The following UVSSA variants were observed in gnomAD, a reference collection of about 807,000 sequenced individuals.
UVSSA encodes UV-stimulated scaffold protein A.
Under a neutral mutation model 73.9 loss-of-function variants are expected in UVSSA, and 72 were observed. The ratio of observed to expected loss-of-function variants is 0.97; its 90% confidence interval spans 0.81 to 1.19. The LOEUF (loss-of-function observed/expected upper bound fraction) is 1.19. Ranked by LOEUF, UVSSA falls within the 50% of genes most tolerant of loss-of-function variation. The pLI is 0.00. For missense variants in UVSSA, 1,150 were observed against 965.0 expected (o/e 1.19, Z -2.54); for synonymous variants, 454 against 391.3 (o/e 1.16, Z -1.89).
downstream of UVSSA, chr4:1,391,489 GTATTTC>G (rs780987227): frequency 1.3e-5 from 2 of 152,134 alleles, no homozygotes; most frequent in Non-Finnish European, 2.9e-5. Context: ...AAGTGCATCT[GTATTTC>G]TATTTCTTTC....
At chr4:1,377,322 C>T (rs920441586) in intron 10 of UVSSA, among the ~76,000 whole-genome samples, 4 of 152,156 alleles carry the variant, frequency 2.6e-5, no homozygotes, top group South Asian at 2.1e-4. Context: ...ACACGACACA[C>T]GAGAGCAGGA....
At chr4:1,353,913 G>A (rs1715214442) in intron 5 of UVSSA, among the ~76,000 whole-genome samples, 1 of 152,204 alleles carries the variant, frequency 6.6e-6, no homozygotes, top group Non-Finnish European at 1.5e-5. Context: ...TGCAGCCTGG[G>A]TGGGTGAGGA....
intron 12 of UVSSA, among the ~76,000 whole-genome samples, chr4:1,382,338 T>A (rs964765979): frequency 1.3e-5 from 2 of 152,232 alleles, no homozygotes; most frequent in Non-Finnish European, 2.9e-5. Context: ...CGGCCAGCGC[T>A]GGCCAGTCAG....
chr4:1,385,709 G>T, intron 13 of UVSSA, 159 bp from the exon 14 acceptor site: 1 of 705,412 alleles, frequency 1.4e-6, no homozygotes, highest in Non-Finnish European at 2.4e-6. Flanking sequence ...GGGGCCCGTC[G>T]CCCATCTGTC....
chr4:1,354,660 C>T (rs1715377881), intron 5 of UVSSA, 75 bp from the exon 6 acceptor site: 1 of 1,378,868 alleles, frequency 7.3e-7, no homozygotes, highest in African/African-American at 1.4e-5. Context: ...GCCTTCCTTG[C>T]ATGGTCTGCC....
intron 6 of UVSSA, 55 bp from the exon 7 acceptor site, chr4:1,355,062 G>C: frequency 3.1e-6 from 5 of 1,598,072 alleles, no homozygotes; most frequent in Non-Finnish European, 3.4e-6. Context: ...CAGCAGGACA[G>C]CTTCCCAGGT....
intron 7 of UVSSA, among the ~76,000 whole-genome samples, chr4:1,356,092 C>T (rs1333879160): frequency 6.6e-6 from 1 of 152,196 alleles, no homozygotes; most frequent in Non-Finnish European, 1.5e-5. Flanking sequence ...AGGCACCTCT[C>T]CCTTCAGGAA....
chr4:1,365,627 G>A (rs1305447095), intron 7 of UVSSA, among the ~76,000 whole-genome samples: 4 of 152,222 alleles, frequency 2.6e-5, no homozygotes, highest in Admixed American at 6.5e-5. Flanking sequence ...AGGAAATGGA[G>A]GTGGTTTTCA....
chr4:1,359,723 T>C (rs1187102234), intron 7 of UVSSA, among the ~76,000 whole-genome samples: 1 of 152,136 alleles, frequency 6.6e-6, no homozygotes, highest in Non-Finnish European at 1.5e-5. Context: ...TCCCCCCGAC[T>C]CTGTGGTTTT....
At chr4:1,372,190 T>C (rs1450354915) in intron 8 of UVSSA, among the ~76,000 whole-genome samples, 1 of 152,238 alleles carries the variant, frequency 6.6e-6, no homozygotes, top group Non-Finnish European at 1.5e-5. Flanking sequence ...AACTTTTCAC[T>C]AACCGTTGTA....
At chr4:1,365,388 A>G (rs1717174459) in intron 7 of UVSSA, among the ~76,000 whole-genome samples, 1 of 152,204 alleles carries the variant, frequency 6.6e-6, no homozygotes, top group South Asian at 2.1e-4. Context: ...CTCTGGCCTG[A>G]TGAGATGAGT....
At chr4:1,375,157 G>T (rs900242663) in intron 8 of UVSSA, 5 of 727,354 alleles carry the variant, frequency 6.9e-6, no homozygotes, top group Non-Finnish European at 8.9e-6. Context: ...ACCCCCCGAC[G>T]CACGCCATGT....
chr4:1,372,664 A>G (rs954546758), intron 8 of UVSSA, among the ~76,000 whole-genome samples: 3 of 109,668 alleles, frequency 2.7e-5, no homozygotes, highest in African/African-American at 9.6e-5. Context: ...TCATGTGCTC[A>G]GTGTTCCTCC....
At chr4:1,394,420 A>T (rs966620348) in exon 14 of UVSSA, 1 of 1,578,572 alleles carries the variant, frequency 6.3e-7, no homozygotes, top group Non-Finnish European at 8.6e-7. Flanking sequence ...TATTGAAATC[A>T]TTGATCTACT....
intron 8 of UVSSA, 158 bp from the exon 9 acceptor site, chr4:1,375,206 A>T: frequency 8.1e-7 from 1 of 1,237,588 alleles, no homozygotes; most frequent in Non-Finnish European, 1.1e-6. Context: ...TCCGGGCCTC[A>T]CCCTCGCCCG....
intron 5 of UVSSA, chr4:1,354,498 A>C (rs1207817945): frequency 1.3e-5 from 7 of 541,470 alleles, no homozygotes; most frequent in Non-Finnish European, 2.0e-5. Context: ...AGACTGAGAC[A>C]CAGGCAGTGG....
Position 1,366,266 on chromosome 4 carries a change from T to A in UVSSA, c.1177-54T>A, listed in dbSNP as rs369785437. On this transcript the variant is annotated intron_variant, in intron 7 of 13. Coordinates refer to ENST00000389851, the MANE Select transcript of UVSSA (RefSeq NM_020894.4). ...TTCCAGGGCTCTGCCCACCGGGAGC[T>A]GTGTTCATACACAGGGTCTGGGGGT... The A allele has an allele frequency of 3.0e-4, 415 of 1,394,326 alleles. 3 individuals are homozygous for A. The South Asian group carries it at 5.3e-3, about 18-fold the overall frequency. The allele number at this position is 1,394,326 out of a possible 1,614,324, so 86.4% of individuals were successfully genotyped here. A position where few individuals can be genotyped will look rare whatever the true frequency, so the allele number is the denominator to read the frequency against.
rs1225570396 is a variant in UVSSA, at chr4:1,380,878, AG to A, written c.1753-1del. On this transcript the variant is annotated splice_acceptor_variant, in intron 11 of 13. Coordinates refer to ENST00000389851, the MANE Select transcript of UVSSA (RefSeq NM_020894.4). LOFTEE classifies it high-confidence loss of function. ...ATCAGCCACCGTGTCCTCGCTGTGC[AG>A]TGCCCTTTCCATGGGAAGATTGTTC... The A allele has an allele frequency of 1.9e-6, 3 of 1,612,590 alleles. No homozygotes were observed. The highest frequency in any genetic ancestry group is 1.7e-5 in the Admixed American group (1 of 59,992).
In UVSSA at chr4:1,387,547, T is replaced by G. The variant is rs1720226811; in HGVS notation, c.*1586T>G. 1 of 152,142 alleles carries G rather than the reference T, an allele frequency of 6.6e-6. No individual in the cohort carries two copies. The highest frequency in any genetic ancestry group is 2.4e-5 in the African/African-American group (1 of 41,414). 9.4% of individuals were successfully genotyped at this position (152,142 alleles called of 1,614,324 possible). A position where few individuals can be genotyped will look rare whatever the true frequency, so the allele number is the denominator to read the frequency against. ...TCACCTAATCCAAGATCACAGAGATTTACACCTAGTTTCTAATAAGCATTT... is the reference window on the plus strand; with the variant it reads ...TCACCTAATCCAAGATCACAGAGATGTACACCTAGTTTCTAATAAGCATTT... On this transcript the variant is annotated 3_prime_UTR_variant, in exon 14 of 14. Coordinates refer to ENST00000389851, the MANE Select transcript of UVSSA (RefSeq NM_020894.4).
Sources: allele counts gnomAD v4.1 joint callset (sites outside exome capture counted in the v4.1 genomes callset), GRCh38; gene constraint gnomAD v4.1.1; transcripts MANE v1.5; gene names NCBI Gene and HGNC (gene_info 2026-07-23, HGNC 2026-07-21).